The following RIT2 variants were observed in gnomAD, a reference collection of about 807,000 sequenced individuals.
RIT2 encodes the protein GTP-binding protein Rit2.
A neutral mutation model predicts 23.7 loss-of-function variants in RIT2; 24 were observed. The observed-to-expected ratio is 1.01, with a 90% CI of 0.73 to 1.43. The LOEUF (loss-of-function observed/expected upper bound fraction) is 1.43. Ranked by LOEUF, RIT2 falls within the 40% of genes most tolerant of loss-of-function variation. RIT2 has a pLI of 0.00. For synonymous variants in RIT2, 107 were observed against 91.1 expected (o/e 1.17, Z -0.99); for missense variants, 236 against 266.9 (o/e 0.88, Z 0.81).
chr18:43,029,566 C>CA (rs942524165), intron 2 of RIT2, among the ~76,000 whole-genome samples: 8 of 150,276 alleles, frequency 5.3e-5, no homozygotes, highest in South Asian at 2.1e-4. Context: ...TGCAATGAGA[C>CA]AAAAAAAAGA....
At chr18:43,047,022 A>T (rs1435565838) in intron 1 of RIT2, among the ~76,000 whole-genome samples, 1 of 152,174 alleles carries the variant, frequency 6.6e-6, no homozygotes, top group Non-Finnish European at 1.5e-5. Context: ...CAAATAAAAA[A>T]AAGCTATAAT....
intron 2 of RIT2, among the ~76,000 whole-genome samples, chr18:43,012,664 T>G (rs1457681149): frequency 6.6e-6 from 1 of 151,558 alleles, no homozygotes; most frequent in Non-Finnish European, 1.5e-5. Context: ...ATTTTATTTA[T>G]AAATAAGGGC....
intron 4 of RIT2, among the ~76,000 whole-genome samples, chr18:42,901,490 C>A (rs1431197652): frequency 6.6e-6 from 1 of 151,884 alleles, no homozygotes; most frequent in Non-Finnish European, 1.5e-5. Context: ...AGCTTGCAAG[C>A]AAAAATTAGA....
intron 1 of RIT2, among the ~76,000 whole-genome samples, chr18:43,046,766 C>A (rs531078948): frequency 2.0e-5 from 3 of 152,244 alleles, no homozygotes; most frequent in East Asian, 1.9e-4. Context: ...TGTACTCAAC[C>A]AAAACAACAT....
chr18:42,779,859 A>G (rs1009554698), intron 4 of RIT2, among the ~76,000 whole-genome samples: 1 of 152,106 alleles, frequency 6.6e-6, no homozygotes, highest in African/African-American at 2.4e-5. Context: ...CTGCTCTGTG[A>G]CCTTGAGCAG....
chr18:42,801,112 G>A (rs1905529181), intron 4 of RIT2, among the ~76,000 whole-genome samples: 1 of 152,120 alleles, frequency 6.6e-6, no homozygotes, highest in South Asian at 2.1e-4. Context: ...ATGTATGTTA[G>A]TGTTGATAAT....
At chr18:43,093,026 C>T (rs72910682) in intron 1 of RIT2, among the ~76,000 whole-genome samples, 20,292 of 151,946 alleles carry the variant, frequency 0.13, 1,603 homozygotes, top group Non-Finnish European at 0.18. Flanking sequence ...CAATAGCTAT[C>T]GTAATTGTTT....
chr18:43,065,714 C>G (rs1330224625), intron 1 of RIT2, among the ~76,000 whole-genome samples: 1 of 151,952 alleles, frequency 6.6e-6, no homozygotes, highest in African/African-American at 2.4e-5. Flanking sequence ...TGTGTGGTAA[C>G]AAAACTAAGA....
At chr18:43,092,288 C>T (rs1359059853) in intron 1 of RIT2, among the ~76,000 whole-genome samples, 3 of 152,070 alleles carry the variant, frequency 2.0e-5, no homozygotes, top group South Asian at 2.1e-4. Context: ...AGAAAGCTCA[C>T]GCTCTAGCAC....
chr18:42,795,793 A>G (rs2143953745), intron 4 of RIT2, among the ~76,000 whole-genome samples: 1 of 152,276 alleles, frequency 6.6e-6, no homozygotes, highest in South Asian at 2.1e-4. Context: ...AAACACACCA[A>G]TCAGCACCCT....
chr18:43,039,918 A>G (rs1181809590), intron 1 of RIT2, among the ~76,000 whole-genome samples: 1 of 152,178 alleles, frequency 6.6e-6, no homozygotes, highest in African/African-American at 2.4e-5. Context: ...TTTAGGTCAA[A>G]TATGAACTAA....
At chr18:43,111,418 T>C (rs1913950267) in intron 1 of RIT2, among the ~76,000 whole-genome samples, 1 of 149,076 alleles carries the variant, frequency 6.7e-6, no homozygotes, top group South Asian at 2.2e-4. Flanking sequence ...AATAAGTTAT[T>C]GTACATTTTA....
chr18:42,906,338 C>T (rs1908621135), intron 4 of RIT2, among the ~76,000 whole-genome samples: 1 of 152,076 alleles, frequency 6.6e-6, no homozygotes, highest in African/African-American at 2.4e-5. Context: ...TCTATACAGA[C>T]ATACATAATA....
chr18:42,840,880 C>T (rs1235255458), intron 4 of RIT2, among the ~76,000 whole-genome samples: 2 of 152,208 alleles, frequency 1.3e-5, no homozygotes, highest in Non-Finnish European at 2.9e-5. Flanking sequence ...CAGCAATTTG[C>T]TTGAATCCTA....
intron 2 of RIT2, among the ~76,000 whole-genome samples, chr18:43,016,766 C>A (rs1182437742): frequency 6.6e-6 from 1 of 151,850 alleles, no homozygotes; most frequent in Non-Finnish European, 1.5e-5. Context: ...ATCTGACTAA[C>A]CAAATATTTC....
intron 1 of RIT2, among the ~76,000 whole-genome samples, chr18:43,036,475 G>A (rs1037996494): frequency 6.6e-6 from 1 of 152,146 alleles, no homozygotes; most frequent in African/African-American, 2.4e-5. Flanking sequence ...GGGAGGTGGA[G>A]GTTGCAGTGA....
intron 4 of RIT2, among the ~76,000 whole-genome samples, chr18:42,771,300 A>G (rs913153456): frequency 2.6e-5 from 4 of 152,102 alleles, no homozygotes; most frequent in Admixed American, 1.3e-4. Flanking sequence ...TGTTTCTTGT[A>G]CTTGCCTCTA....
At chr18:43,072,657 C>T (rs1394552316) in intron 1 of RIT2, among the ~76,000 whole-genome samples, 1 of 152,064 alleles carries the variant, frequency 6.6e-6, no homozygotes, top group Non-Finnish European at 1.5e-5. Context: ...GGTATTTTTC[C>T]CCCATGCAGA....
chr18:43,092,137 G>GA (rs1367965510), intron 1 of RIT2, among the ~76,000 whole-genome samples: 1 of 151,924 alleles, frequency 6.6e-6, no homozygotes, highest in Non-Finnish European at 1.5e-5. Flanking sequence ...TACCACCTTG[G>GA]AAAAATTATC....
Sources: allele counts gnomAD v4.1 joint callset (sites outside exome capture counted in the v4.1 genomes callset), GRCh38; gene constraint gnomAD v4.1.1; transcripts MANE v1.5; gene names NCBI Gene and HGNC (gene_info 2026-07-23, HGNC 2026-07-21).